The following SAMD9L variants were observed in gnomAD, a reference collection of about 807,000 sequenced individuals.
SAMD9L encodes sterile alpha motif domain containing 9 like, also known as sterile alpha motif domain-containing protein 9-like.
A neutral mutation model predicts 90.7 loss-of-function variants in SAMD9L; 68 were observed. The observed-to-expected ratio is 0.75, with a 90% CI of 0.62 to 0.92. The LOEUF (loss-of-function observed/expected upper bound fraction) is 0.92, where lower values mean the gene tolerates loss of function less well. Ranked by LOEUF, SAMD9L falls within the 40% of genes least tolerant of loss-of-function variation. SAMD9L has a pLI of 0.00. For synonymous variants in SAMD9L, 640 were observed against 630.1 expected, an observed-to-expected ratio of 1.02 and a Z score of -0.23; for missense variants, 1,604 against 1,824.3, an observed-to-expected ratio of 0.88 and a Z score of 2.20.
At chr7:93,139,252 A>C (rs1792584190) in intron 4 of SAMD9L, among the ~76,000 whole-genome samples, 1 of 151,866 alleles carries the variant, frequency 6.6e-6, no homozygotes. Flanking sequence ...ACATCAACCC[A>C]CCTCTATTCC....
At chr7:93,136,224 C>T (rs1352538420) in intron 4 of SAMD9L, among the ~76,000 whole-genome samples, 1 of 152,192 alleles carries the variant, frequency 6.6e-6, no homozygotes, top group Admixed American at 6.5e-5. Flanking sequence ...TAGCTGCTAA[C>T]TGGTGACACA....
intron 4 of SAMD9L, 114 bp from the exon 5 acceptor site, chr7:93,136,105 G>A: frequency 1.5e-6 from 1 of 681,700 alleles, no homozygotes; most frequent in South Asian, 3.2e-5. Flanking sequence ...GTATAATATT[G>A]CTAAAGGCTG....
At chr7:93,137,341 T>C (rs1792496349) in intron 4 of SAMD9L, among the ~76,000 whole-genome samples, 1 of 152,096 alleles carries the variant, frequency 6.6e-6, no homozygotes, top group Admixed American at 6.6e-5. Context: ...AGTGGTGGCA[T>C]TAGTTTCTCA....
rs1182914896 is a variant in SAMD9L at position 93,131,509 on chromosome 7, A to G, written c.4463T>C (p.Val1488Ala). Residue 1488 changes from valine (V) to alanine (A), a missense_variant, in exon 5 of 5, where the codon GTT (valine) becomes GCT (alanine). This residue lies in a region of SAMD9L where 282 missense variants were observed against 329.6 expected (regional missense o/e 0.86). Transcript: ENST00000318238. ...GTACTGCTCTATTTTGGCCTTGTGA[A>G]CAATACTGTTTAGACCCTTCCTTTT... ...LGKRKGLNSI[V>A]HKAKIEQYFD... 1.9e-6 allele frequency: 3 copies of G among 1,613,854 alleles called. No homozygotes were observed. Among genetic ancestry groups the G allele is most frequent in the African/African-American group, 1.3e-5 (1 of 74,902 alleles).
At position 93,132,208 on chromosome 7, in the gene SAMD9L, G is replaced by C; in HGVS notation, c.3764C>G (p.Ser1255Cys). The change falls in exon 5 of 5, where the codon TCC (serine) becomes TGC (cysteine). Residue 1255 changes from serine to cysteine, a missense_variant. This residue lies in a region of SAMD9L where 302 missense variants were observed against 314.7 expected (regional missense o/e 0.96). Transcript: ENST00000318238. ...ATCTGATTGTAAATTTTTTAGGTGG[G>C]ATGTGAACTTGCTAAGAGCCAAATA... ...ECYLALSKFT[S>C]HLKNLQSDLK... 1 of 1,613,714 alleles carries C rather than the reference G, an allele frequency of 6.2e-7. No individual in the cohort carries two copies. Among genetic ancestry groups the C allele is most frequent in the Non-Finnish European group, 8.5e-7 (1 of 1,179,856 alleles).
chr7:93,133,679 CA>C lies in SAMD9L; in HGVS notation c.2292del (p.Cys764TrpfsTer4). The C allele has an allele frequency of 6.2e-7, 1 of 1,613,556 alleles. No individual in the cohort carries two copies. The highest frequency in any genetic ancestry group is 8.5e-7 in the Non-Finnish European group (1 of 1,179,818). On this transcript the variant is annotated frameshift_variant, in exon 5 of 5. Transcript: ENST00000318238. LOFTEE classifies it high-confidence loss of function. ...VLWDLKKNFRCAVLKNKTTDF... is the reference protein window; with the variant it reads ...VLWDLKKNFRXAVLKNKTTDF... ...TCAGTTGTCTTGTTTTTTAACACAG[CA>C]CATCTGAAGTTTTTCTTTAAGTCCC...
At position 93,133,785 on chromosome 7, in the gene SAMD9L, A is replaced by G. The variant is rs764877510; in HGVS notation, c.2187T>C (p.Pro729=). 18 of 1,613,758 alleles carry G rather than the reference A, an allele frequency of 1.1e-5. No individual in the cohort carries two copies. Among genetic ancestry groups the G allele is most frequent in the Non-Finnish European group, 1.5e-5 (18 of 1,179,890 alleles). The change falls in exon 5 of 5, where the codon CCT becomes CCC. Residue 729 remains proline (P), a synonymous_variant. Transcript: ENST00000318238. ...TGATGATTTTTGCAAATATTGGTTT[A>G]GGAGACTCTGCCCAGCAGTGTATTA... ...KDLIHCWAES[P]KPIFAKIINL...
At chr7:93,136,770 A>C (rs767781117) in intron 4 of SAMD9L, among the ~76,000 whole-genome samples, 1 of 152,228 alleles carries the variant, frequency 6.6e-6, no homozygotes, top group Non-Finnish European at 1.5e-5. Context: ...AGGGGTTCTT[A>C]ACCTTGGTTA....
At chr7:93,138,686 G>C (rs561514596) in intron 4 of SAMD9L, among the ~76,000 whole-genome samples, 2 of 152,290 alleles carry the variant, frequency 1.3e-5, no homozygotes, top group African/African-American at 4.8e-5. Context: ...GGTCTAAGGG[G>C]TATGACATAG....
intron 4 of SAMD9L, among the ~76,000 whole-genome samples, chr7:93,144,334 G>GA (rs370076394): frequency 6.0e-5 from 9 of 150,456 alleles, no homozygotes; most frequent in Non-Finnish European, 1.0e-4. Context: ...GAAAATATTT[G>GA]AAAAAAAAAT....
chr7:93,136,563 T>A (rs144580940), intron 4 of SAMD9L, among the ~76,000 whole-genome samples: 59 of 152,332 alleles, frequency 3.9e-4, no homozygotes, highest in African/African-American at 1.4e-3. Context: ...TGGCTAATTC[T>A]TGTGTTCTCA....
intron 2 of SAMD9L, among the ~76,000 whole-genome samples, 198 bp downstream of exon 2, chr7:93,146,685 C>G (rs114207031): frequency 6.6e-6 from 1 of 152,158 alleles, no homozygotes; most frequent in African/African-American, 2.4e-5. Context: ...GAAATTATTT[C>G]GCTTGGCTGG....
At chr7:93,137,984 A>G (rs926514278) in intron 4 of SAMD9L, among the ~76,000 whole-genome samples, 1 of 152,116 alleles carries the variant, frequency 6.6e-6, no homozygotes, top group African/African-American at 2.4e-5. Flanking sequence ...TACCCCATCT[A>G]TAGGCATGCA....
chr7:93,136,885 G>T (rs1027989801), intron 4 of SAMD9L, among the ~76,000 whole-genome samples: 1 of 152,162 alleles, frequency 6.6e-6, no homozygotes, highest in African/African-American at 2.4e-5. Context: ...TTGCCTTGGT[G>T]CATCTACTGT....
rs1423368075 is a variant in SAMD9L at position 93,133,821 on chromosome 7, C to A, written c.2151G>T (p.Lys717Asn). Residue 717 changes from lysine (K) to asparagine (N), a missense_variant, in exon 5 of 5, where the codon AAG becomes AAT. This residue lies in a region of SAMD9L where 606 missense variants were observed against 717.6 expected (regional missense o/e 0.84). Coordinates refer to ENST00000318238, the MANE Select transcript of SAMD9L (RefSeq NM_152703.5). ...CCCAGCAGTGTATTAAATCTTTAAGCTTTTCATAACTGTCCCTTTTAACAA... is the reference window on the plus strand; with the variant it reads ...CCCAGCAGTGTATTAAATCTTTAAGATTTTCATAACTGTCCCTTTTAACAA... The part of the protein sequence containing the change: ...SDFVKRDSYE[K>N]LKDLIHCWAE... 1.9e-6 allele frequency: 3 copies of A among 1,613,376 alleles called. No homozygotes were observed. Among genetic ancestry groups the A allele is most frequent in the East Asian group, 2.2e-5 (1 of 44,876 alleles).
intron 4 of SAMD9L, among the ~76,000 whole-genome samples, chr7:93,138,634 G>T (rs569792130): frequency 4.6e-5 from 7 of 152,324 alleles, no homozygotes; most frequent in Middle Eastern, 3.4e-3. Context: ...TAGGGAATAA[G>T]AAATAGTCTA....
intron 4 of SAMD9L, among the ~76,000 whole-genome samples, chr7:93,137,513 T>G (rs1175009309): frequency 6.6e-6 from 1 of 151,980 alleles, no homozygotes; most frequent in Admixed American, 6.6e-5. Flanking sequence ...GAGTCTACAT[T>G]ATGGTGAGTT....
Position 93,147,083 on chromosome 7 carries a change from A to G in SAMD9L, c.-979T>C, listed in dbSNP as rs151035480. On this transcript the variant is annotated 5_prime_UTR_variant, in exon 2 of 5. Transcript: ENST00000318238. ...GACACAGTCTGCTCGGGTGAGATGC[A>G]ATACCTTCTTTTAGCTGGTGTCCTC... 3 of 152,330 alleles carry G rather than the reference A, an allele frequency of 2.0e-5. No individual in the cohort carries two copies. The highest frequency in any genetic ancestry group is 4.1e-4 in the South Asian group (2 of 4,832). 9.4% of individuals were successfully genotyped at this position (152,330 alleles called of 1,614,324 possible). A position where few individuals can be genotyped will look rare whatever the true frequency, so the allele number is the denominator to read the frequency against.
chr7:93,133,696 T>C lies in SAMD9L; in HGVS notation c.2276A>G (p.Lys759Arg), dbSNP rs1201783092. ...TAACACAGCACATCTGAAGTTTTTCTTTAAGTCCCAGAGAACATGCATAGC... is the reference window on the plus strand; with the variant it reads ...TAACACAGCACATCTGAAGTTTTTCCTTAAGTCCCAGAGAACATGCATAGC... ...TLAMHVLWDL[K>R]KNFRCAVLKN... Residue 759 changes from lysine (K) to arginine (R), a missense_variant, in exon 5 of 5, where the codon AAG (lysine) becomes AGG (arginine). By Grantham distance (26) the Lys-to-Arg change is conservative (BLOSUM62 2). This residue lies in a region of SAMD9L where 606 missense variants were observed against 717.6 expected (regional missense o/e 0.84). Transcript: ENST00000318238. The C allele has an allele frequency of 6.2e-7, 1 of 1,613,582 alleles. No homozygotes were observed.
Sources: allele counts gnomAD v4.1 joint callset (sites outside exome capture counted in the v4.1 genomes callset), GRCh38; gene constraint gnomAD v4.1.1; regional missense constraint gnomAD v4.1.1; transcripts MANE v1.5; gene names NCBI Gene and HGNC (gene_info 2026-07-23, HGNC 2026-07-21).